VPS13B: variants seen among roughly 807,000 people sequenced by gnomAD.
VPS13B encodes the protein intermembrane lipid transfer protein VPS13B.
In VPS13B, 285 loss-of-function variants were observed where a neutral mutation model predicts 426.4. The observed-to-expected ratio is 0.67, with a 90% CI of 0.61 to 0.74. The LOEUF (loss-of-function observed/expected upper bound fraction) is 0.74, where lower values mean the gene tolerates loss of function less well. VPS13B is among the 30% of genes least tolerant of loss of function. The pLI is 0.00. For synonymous variants in VPS13B, 1,676 were observed against 1,676.4 expected, an observed-to-expected ratio of 1.00 and a Z score of 0.01; for missense variants, 4,537 against 4,782.6, an observed-to-expected ratio of 0.95 and a Z score of 1.51.
At chr8:99,344,827 A>G (rs937171131) in intron 19 of VPS13B, among the ~76,000 whole-genome samples, 2 of 151,786 alleles carry the variant, frequency 1.3e-5, no homozygotes, top group African/African-American at 2.4e-5. Flanking sequence ...TTTTTATATA[A>G]TGAGTTTTGA....
intron 17 of VPS13B, among the ~76,000 whole-genome samples, chr8:99,225,958 T>C (rs900203847): frequency 6.6e-6 from 1 of 152,288 alleles, no homozygotes; most frequent in East Asian, 1.9e-4. Context: ...TTTTACTTTT[T>C]TTTTGAGACA....
intron 25 of VPS13B, among the ~76,000 whole-genome samples, chr8:99,500,827 T>C (rs1395782098): frequency 6.6e-6 from 1 of 152,194 alleles, no homozygotes. Context: ...CAGCATCTCT[T>C]CTGCATTTGA....
intron 7 of VPS13B, among the ~76,000 whole-genome samples, chr8:99,118,718 G>A (rs1367100983): frequency 2.6e-5 from 4 of 152,060 alleles, no homozygotes; most frequent in East Asian, 1.9e-4. Context: ...TGTAGCAGTC[G>A]TTCTTTCCTT....
chr8:99,047,899 G>A (rs963434905), intron 3 of VPS13B, among the ~76,000 whole-genome samples: 1 of 151,974 alleles, frequency 6.6e-6, no homozygotes, highest in Admixed American at 6.6e-5. Context: ...TTTTTGCCAG[G>A]CTGGTCTTGA....
chr8:99,242,700 G>T (rs117064906), intron 17 of VPS13B, among the ~76,000 whole-genome samples: 1 of 152,184 alleles, frequency 6.6e-6, no homozygotes, highest in Non-Finnish European at 1.5e-5. Flanking sequence ...TTATACTTGA[G>T]TTCTGACTTT....
At chr8:99,088,848 G>A (rs1005313178) in intron 3 of VPS13B, among the ~76,000 whole-genome samples, 13 of 151,974 alleles carry the variant, frequency 8.6e-5, no homozygotes, top group African/African-American at 3.1e-4. Flanking sequence ...ACCTAAATTG[G>A]GCTATCCATT....
intron 17 of VPS13B, among the ~76,000 whole-genome samples, chr8:99,238,241 AGT>A (rs199541620): frequency 0.063 from 9,465 of 149,830 alleles, 372 homozygotes; most frequent in African/African-American, 0.11. Context: ...AGTTTGTGGG[AGT>A]GTGTGTGTGT....
At chr8:99,761,841 G>A (rs1208021196) in intron 39 of VPS13B, among the ~76,000 whole-genome samples, 1 of 151,928 alleles carries the variant, frequency 6.6e-6, no homozygotes, top group Non-Finnish European at 1.5e-5. Context: ...TTTTTAGTTA[G>A]TATGGGTACA....
intron 19 of VPS13B, among the ~76,000 whole-genome samples, chr8:99,282,214 A>C (rs1452526795): frequency 6.6e-6 from 1 of 152,204 alleles, no homozygotes; most frequent in Non-Finnish European, 1.5e-5. Context: ...TAAATATCCT[A>C]GGCAAAACAT....
chr8:99,452,563 A>G (rs1818249757), intron 23 of VPS13B, among the ~76,000 whole-genome samples: 1 of 152,180 alleles, frequency 6.6e-6, no homozygotes, highest in Admixed American at 6.5e-5. Flanking sequence ...GGTTACTCTA[A>G]GGGAGGAAGA....
At chr8:99,825,206 T>C (rs1219646298) in intron 51 of VPS13B, among the ~76,000 whole-genome samples, 2 of 152,236 alleles carry the variant, frequency 1.3e-5, no homozygotes. Flanking sequence ...TGTAAAAGTG[T>C]TCCTATTTCT....
rs930633073 is a variant in VPS13B, at chr8:99,302,929, C to T, written c.2824+27675C>T. Among the ~76,000 whole-genome samples the T allele has an allele frequency of 2.6e-5, 4 of 152,194 alleles. No homozygotes were observed. In the East Asian group the frequency reaches 7.7e-4, roughly 29 times the overall value. ...TCAAAAAATCCTAAGTTGAACCAAC[C>T]TAAGTTGGGGACCATCTGTGTAATA... On this transcript the variant is annotated intron_variant, in intron 19 of 61. Coordinates refer to ENST00000357162, the MANE Select transcript of VPS13B (RefSeq NM_152564.5).
intron 19 of VPS13B, among the ~76,000 whole-genome samples, chr8:99,291,944 G>A (rs906023133): frequency 7.9e-5 from 12 of 151,990 alleles, no homozygotes; most frequent in Non-Finnish European, 8.8e-5. Context: ...TTCCTCTACA[G>A]TATTTCAGAA....
chr8:99,036,255 G>GT (rs1563497388), intron 2 of VPS13B, among the ~76,000 whole-genome samples: 6 of 151,868 alleles, frequency 4.0e-5, no homozygotes, highest in Non-Finnish European at 8.8e-5. Context: ...AGATTTTTGA[G>GT]ATATATTCAA....
intron 43 of VPS13B, among the ~76,000 whole-genome samples, chr8:99,792,825 A>T (rs1203211825): frequency 1.3e-5 from 2 of 151,988 alleles, no homozygotes; most frequent in Non-Finnish European, 2.9e-5. Context: ...CTATACATGG[A>T]CTCTTGACCA....
chr8:99,351,427 AGAGAGAGAGTGTGT>A (rs1563682546), intron 19 of VPS13B, among the ~76,000 whole-genome samples: 1 of 144,100 alleles, frequency 6.9e-6, no homozygotes, highest in African/African-American at 2.8e-5. Context: ...CAAGAGAGAG[AGAGAGAGAGTGTGT>A]GTGTGTGTGT....
chr8:99,313,592 C>T (rs1256739748), intron 19 of VPS13B, among the ~76,000 whole-genome samples: 1 of 152,144 alleles, frequency 6.6e-6, no homozygotes, highest in African/African-American at 2.4e-5. Context: ...GAGGGTGCCT[C>T]CCAGTTAGGG....
chr8:99,678,569 G>GT (rs11405601), intron 35 of VPS13B, among the ~76,000 whole-genome samples: 31,758 of 143,088 alleles, frequency 0.22, 3,855 homozygotes, highest in East Asian at 0.48. Flanking sequence ...ATCTGATTCT[G>GT]TTTTTTTTTT....
intron 33 of VPS13B, among the ~76,000 whole-genome samples, chr8:99,630,571 GTCCC>G (rs879524171): frequency 3.0e-4 from 46 of 151,260 alleles, no homozygotes; most frequent in Middle Eastern, 3.4e-3. Context: ...CCCTTCATTT[GTCCC>G]TCCCTCCCTC....
Sources: gnomAD v4.1 joint callset for allele counts (sites outside exome capture counted in the v4.1 genomes callset) on GRCh38, gnomAD v4.1.1 for gene constraint, MANE v1.5 for transcripts, NCBI Gene and HGNC (gene_info 2026-07-23, HGNC 2026-07-21) for gene names.